The following FRMD4A variants were observed in gnomAD, a reference collection of about 807,000 sequenced individuals.
The protein encoded by FRMD4A is FERM domain containing 4A, also known as FERM domain-containing protein 4A.
Under a neutral mutation model 129.1 loss-of-function variants are expected in FRMD4A, and 29 were observed. The observed-to-expected ratio is 0.22, with a 90% CI of 0.17 to 0.31. FRMD4A has a LOEUF of 0.31. Ranked by LOEUF, FRMD4A falls within the 10% of genes least tolerant of loss-of-function variation. The probability of loss-of-function intolerance (pLI) is 1.00; values close to 1 mark genes in which losing one functional copy is unlikely to be tolerated. For missense variants in FRMD4A, 1,272 were observed against 1,375.8 expected (o/e 0.92, Z 1.19); for synonymous variants, 634 against 571.6 (o/e 1.11, Z -1.56).
rs73587316 is a variant in FRMD4A at position 13,930,533 on chromosome 10, A to C, written c.46-71621T>G. ...TGCCTAGGGATTGTTTTTGAATGAGATATGGTTTGTCCCTGTGGTGTTGAA... is the reference window on the plus strand; with the variant it reads ...TGCCTAGGGATTGTTTTTGAATGAGCTATGGTTTGTCCCTGTGGTGTTGAA... On this transcript the variant is annotated intron_variant, in intron 2 of 24. Transcript: ENST00000357447. Among the ~76,000 whole-genome samples, 816 of 152,190 alleles carry C rather than the reference A, an allele frequency of 5.4e-3. 10 individuals are homozygous for C. Among genetic ancestry groups the C allele is most frequent in the African/African-American group, 0.019 (796 of 41,504 alleles).
chr10:14,060,368 A>G (rs1045369780), intron 2 of FRMD4A, among the ~76,000 whole-genome samples: 1 of 152,150 alleles, frequency 6.6e-6, no homozygotes, highest in South Asian at 2.1e-4. Flanking sequence ...GGGGATATCA[A>G]CTCTATGAAA....
At chr10:13,953,495 A>T (rs572429451) in intron 2 of FRMD4A, among the ~76,000 whole-genome samples, 2 of 152,170 alleles carry the variant, frequency 1.3e-5, no homozygotes, top group Middle Eastern at 3.2e-3. Flanking sequence ...AATAGTGTGA[A>T]GATATCTCAC....
At chr10:13,656,610 G>T (rs539819758) in intron 22 of FRMD4A, 26 bp downstream of exon 22, 1 of 1,376,092 alleles carries the variant, frequency 7.3e-7, no homozygotes, top group Non-Finnish European at 9.5e-7. Flanking sequence ...AGGTCTTCCC[G>T]CGTGCACCTG....
At chr10:14,276,316 G>A (rs1253277107) in intron 2 of FRMD4A, among the ~76,000 whole-genome samples, 3 of 152,120 alleles carry the variant, frequency 2.0e-5, no homozygotes, top group East Asian at 1.9e-4. Flanking sequence ...AAGAAGCTAC[G>A]TGTGACCAGC....
intron 2 of FRMD4A, among the ~76,000 whole-genome samples, chr10:14,216,899 G>A (rs578065131): frequency 3.9e-5 from 6 of 152,118 alleles, no homozygotes; most frequent in South Asian, 2.1e-4. Context: ...GTATCTAGAC[G>A]CTTCCCAATT....
chr10:13,964,403 G>A (rs2131367786), intron 2 of FRMD4A, among the ~76,000 whole-genome samples: 1 of 143,058 alleles, frequency 7.0e-6, no homozygotes. Flanking sequence ...AATTCAGATT[G>A]TTGGTCTTAT....
At chr10:14,012,413 GA>G (rs2095685469) in intron 2 of FRMD4A, among the ~76,000 whole-genome samples, 1 of 152,166 alleles carries the variant, frequency 6.6e-6, no homozygotes, top group Non-Finnish European at 1.5e-5. Flanking sequence ...CAGGTTTCAG[GA>G]AAGTCAATGG....
rs945963095 is a variant in FRMD4A at position 13,891,811 on chromosome 10, A to C, written c.46-32899T>G. On this transcript the variant is annotated intron_variant, in intron 2 of 24. Coordinates refer to ENST00000357447, the MANE Select transcript of FRMD4A (RefSeq NM_018027.5). ...CGCCGCGGGCCCTCGGCGTCAGCCC[A>C]TAGCCCGCTCGCGCCTCTCGCGCCG... 6 of 883,916 alleles carry C rather than the reference A, an allele frequency of 6.8e-6. No individual in the cohort carries two copies. In the South Asian group the frequency reaches 1.6e-4, roughly 23 times the overall value. The allele number at this position is 883,916 out of a possible 1,614,324, so 54.8% of individuals were successfully genotyped here. A position where few individuals can be genotyped will look rare whatever the true frequency, so the allele number is the denominator to read the frequency against.
chr10:13,737,217 G>A (rs1379603336), intron 12 of FRMD4A, among the ~76,000 whole-genome samples: 2 of 152,180 alleles, frequency 1.3e-5, no homozygotes, highest in Non-Finnish European at 2.9e-5. Flanking sequence ...AGCCTCCCAA[G>A]TAGCTGGGAT....
intron 4 of FRMD4A, 97 bp from the exon 5 acceptor site, chr10:13,796,685 G>A (rs2093126344): frequency 1.5e-6 from 1 of 677,706 alleles, no homozygotes; most frequent in South Asian, 1.7e-5. Flanking sequence ...CTGGATCGTA[G>A]ATAAATTTGA....
At chr10:13,807,800 CTTT>C (rs11388392) in intron 4 of FRMD4A, among the ~76,000 whole-genome samples, 17 of 142,172 alleles carry the variant, frequency 1.2e-4, no homozygotes, top group Non-Finnish European at 2.0e-4. Context: ...TTTAGAAATT[CTTT>C]TTTTTTTTTT....
At chr10:14,276,281 T>C (rs1845337782) in intron 2 of FRMD4A, among the ~76,000 whole-genome samples, 1 of 152,140 alleles carries the variant, frequency 6.6e-6, no homozygotes. Context: ...GGGTTGCTCA[T>C]GAGAGCTGTG....
intron 2 of FRMD4A, among the ~76,000 whole-genome samples, chr10:14,158,819 G>T (rs1840732681): frequency 7.3e-6 from 1 of 137,576 alleles, no homozygotes; most frequent in Admixed American, 7.6e-5. Context: ...AGAGAAGGAA[G>T]AAGAGGGAGG....
At chr10:13,797,496 C>A (rs186624939) in intron 4 of FRMD4A, among the ~76,000 whole-genome samples, 12 of 152,122 alleles carry the variant, frequency 7.9e-5, no homozygotes, top group African/African-American at 2.9e-4. Flanking sequence ...TCTTAGTGTC[C>A]TGTGAGTGGA....
At chr10:13,908,190 A>AAAAG (rs397956220) in intron 2 of FRMD4A, among the ~76,000 whole-genome samples, 2 of 149,482 alleles carry the variant, frequency 1.3e-5, no homozygotes, top group African/African-American at 4.9e-5. Flanking sequence ...AAAAAAAAAA[A>AAAAG]GGACAGAAAA....
chr10:13,822,145 T>G (rs1246393463), intron 3 of FRMD4A, among the ~76,000 whole-genome samples: 4 of 152,230 alleles, frequency 2.6e-5, no homozygotes, highest in Non-Finnish European at 5.9e-5. Flanking sequence ...TTCATGTATA[T>G]GCACATGTGG....
intron 4 of FRMD4A, among the ~76,000 whole-genome samples, chr10:13,797,850 G>C (rs538261345): frequency 6.6e-6 from 1 of 151,508 alleles, no homozygotes; most frequent in Non-Finnish European, 1.5e-5. Context: ...ACAAAGGAAA[G>C]AGAGAAAACA....
chr10:14,170,254 A>G lies in FRMD4A; in HGVS notation c.45+159804T>C, dbSNP rs76325983. Among the ~76,000 whole-genome samples the G allele has an allele frequency of 7.2e-5, 11 of 152,348 alleles. No homozygotes were observed. In the East Asian group the frequency reaches 2.1e-3, roughly 29 times the overall value. On this transcript the variant is annotated intron_variant, in intron 2 of 24. Transcript: ENST00000357447. The stretch of plus-strand genomic sequence containing the variant: ...CATGATCAGGAAAGACAATTCTTGA[A>G]CTAACTCTAGCTCTGTGTGGCTGAC...
intron 3 of FRMD4A, among the ~76,000 whole-genome samples, chr10:13,811,670 C>G (rs1271979566): frequency 6.6e-6 from 1 of 151,948 alleles, no homozygotes; most frequent in East Asian, 1.9e-4. Flanking sequence ...TGTTATTCAC[C>G]TTGGTCTGTT....
Sources: allele counts gnomAD v4.1 joint callset (sites outside exome capture counted in the v4.1 genomes callset), GRCh38; gene constraint gnomAD v4.1.1; transcripts MANE v1.5; gene names NCBI Gene and HGNC (gene_info 2026-07-23, HGNC 2026-07-21).